Variants in ABCC1 observed in about 807,000 individuals in gnomAD.
ABCC1 encodes the protein multidrug resistance-associated protein 1.
Under a neutral mutation model 172.9 loss-of-function variants are expected in ABCC1, and 83 were observed. The ratio of observed to expected loss-of-function variants is 0.48; its 90% CI spans 0.40 to 0.58. The LOEUF (loss-of-function observed/expected upper bound fraction) is 0.58. ABCC1 is among the 20% of genes least tolerant of loss of function. ABCC1 has a pLI of 0.00. For synonymous variants in ABCC1, 937 were observed against 825.2 expected, an observed-to-expected ratio of 1.14 and a Z score of -2.32; for missense variants, 1,817 against 2,002.7, an observed-to-expected ratio of 0.91 and a Z score of 1.77.
intron 6 of ABCC1, among the ~76,000 whole-genome samples, chr16:16,035,249 A>G (rs1486925844): frequency 6.6e-6 from 1 of 152,180 alleles, no homozygotes; most frequent in South Asian, 2.1e-4. Flanking sequence ...TAACAATACA[A>G]AAATTAGCCG....
intron 23 of ABCC1, among the ~76,000 whole-genome samples, chr16:16,119,494 C>T (rs2045056521): frequency 6.6e-6 from 1 of 151,898 alleles, no homozygotes; most frequent in Admixed American, 6.6e-5. Context: ...AGTTTGAGAC[C>T]AGCCTGGCCA....
chr16:16,109,088 A>G (rs2052274379), intron 21 of ABCC1, among the ~76,000 whole-genome samples: 3 of 152,210 alleles, frequency 2.0e-5, no homozygotes, highest in African/African-American at 4.8e-5. Flanking sequence ...TGGGGACTTG[A>G]AAACTCAAAA....
chr16:16,078,680 GTTTA>G (rs953319401), intron 15 of ABCC1, among the ~76,000 whole-genome samples: 6 of 151,966 alleles, frequency 3.9e-5, no homozygotes, highest in African/African-American at 4.8e-5. Flanking sequence ...GAGTTTTTTG[GTTTA>G]TTTATTTTCT....
At chr16:16,109,000 A>G (rs901374728) in intron 21 of ABCC1, among the ~76,000 whole-genome samples, 1 of 152,124 alleles carries the variant, frequency 6.6e-6, no homozygotes, top group Admixed American at 6.6e-5. Context: ...ACTTGGCCGC[A>G]TGACAAAGCC....
chr16:16,061,772 C>CTTTTTTTTTTTTT (rs201926082), intron 12 of ABCC1, among the ~76,000 whole-genome samples: 2 of 116,226 alleles, frequency 1.7e-5, no homozygotes, highest in African/African-American at 3.7e-5. Flanking sequence ...TTCTTTTTTT[C>CTTTTTTTTTTTTT]TTTTTTTTTT....
Position 16,114,871 on chromosome 16 carries a change from G to A in ABCC1, c.3185G>A (p.Ser1062Asn), listed in dbSNP as rs1211525238. Residue 1062 changes from serine (S) to asparagine (N), a missense_variant, in exon 23 of 31, where the codon AGC (serine) becomes AAC (asparagine). By Grantham distance (46) the Ser-to-Asn change is conservative. This residue lies in a region of ABCC1 where 1,412 missense variants were observed against 1,600.3 expected (regional missense o/e 0.88). Coordinates refer to ENST00000399410, the MANE Select transcript of ABCC1 (RefSeq NM_004996.4). ...CACAGCATCCTGCGGTCACCCATGA[G>A]CTTCTTTGAGCGGACCCCCAGTGGG... ...LLHSILRSPMSFFERTPSGNL... is the reference protein window; with the variant it reads ...LLHSILRSPMNFFERTPSGNL... 1.2e-6 allele frequency: 2 copies of A among 1,613,792 alleles called. No homozygotes were observed. The highest frequency in any genetic ancestry group is 1.7e-6 in the Non-Finnish European group (2 of 1,179,926).
At chr16:16,035,134 G>A (rs1279713587) in intron 6 of ABCC1, among the ~76,000 whole-genome samples, 1 of 152,128 alleles carries the variant, frequency 6.6e-6, no homozygotes, top group African/African-American at 2.4e-5. Flanking sequence ...GGGCACGGTG[G>A]CTCATGCCTG....
At chr16:15,961,903 T>G (rs893335247) in intron 1 of ABCC1, among the ~76,000 whole-genome samples, 1 of 152,160 alleles carries the variant, frequency 6.6e-6, no homozygotes, top group African/African-American at 2.4e-5. Context: ...TGATAAGCAG[T>G]GCTGCACTGA....
At chr16:15,966,877 A>G (rs139927709) in intron 1 of ABCC1, among the ~76,000 whole-genome samples, 179 of 152,120 alleles carry the variant, frequency 1.2e-3, no homozygotes, top group African/African-American at 4.1e-3. Flanking sequence ...GTGCAGTGGC[A>G]TGAACATAGC....
In ABCC1 at chr16:15,985,171, A is replaced by C. The variant is rs137859760; in HGVS notation, c.49-22645A>C. Among the ~76,000 whole-genome samples, 694 of 152,284 alleles carry C rather than the reference A, an allele frequency of 4.6e-3. 6 individuals are homozygous for C. The highest frequency in any genetic ancestry group is 0.015 in the African/African-American group (630 of 41,560). On this transcript the variant is annotated intron_variant, in intron 1 of 30. Transcript: ENST00000399410. ...AAAAAATAAATTCCTATATTCCATCATCCCCAGCTTCTGCCATTCTAAAGC... is the reference window on the plus strand; with the variant it reads ...AAAAAATAAATTCCTATATTCCATCCTCCCCAGCTTCTGCCATTCTAAAGC...
At chr16:16,047,688 A>G (rs1196767276) in intron 9 of ABCC1, among the ~76,000 whole-genome samples, 1 of 152,014 alleles carries the variant, frequency 6.6e-6, no homozygotes, top group African/African-American at 2.4e-5. Context: ...AAGAATGCCA[A>G]GGATTAGAGA....
chr16:16,044,718 C>T (rs1190202056), intron 8 of ABCC1, 38 bp downstream of exon 8: 2 of 1,576,288 alleles, frequency 1.3e-6, no homozygotes, highest in East Asian at 2.2e-5. Flanking sequence ...TCCATTTTCC[C>T]TCCTTGGCTT....
chr16:16,034,023 CTTTTTTTTTTT>C (rs10580146), intron 6 of ABCC1, among the ~76,000 whole-genome samples: 2 of 86,830 alleles, frequency 2.3e-5, no homozygotes, highest in African/African-American at 8.7e-5. Context: ...TAAGCATCAT[CTTTTTTTTTTT>C]TTTTTTTTTT....
rs2050117614 is a variant in ABCC1 at position 16,066,473 on chromosome 16, G to A, written c.1678-1683G>A. Among the ~76,000 whole-genome samples the A allele has an allele frequency of 1.3e-5, 2 of 151,596 alleles. 1 individual carries two copies. The highest frequency in any genetic ancestry group is 4.2e-4 in the South Asian group (2 of 4,754). ...TGGGATTTCAGGTGTGAGCCACCCCGCCTGGCCATCTGACTGGTTTCTTAG... is the reference window on the plus strand; with the variant it reads ...TGGGATTTCAGGTGTGAGCCACCCCACCTGGCCATCTGACTGGTTTCTTAG... On this transcript the variant is annotated intron_variant, in intron 12 of 30. Transcript: ENST00000399410.
chr16:16,079,507 G>T (rs749708264), intron 16 of ABCC1, 29 bp downstream of exon 16: 3 of 1,593,056 alleles, frequency 1.9e-6, no homozygotes, highest in Non-Finnish European at 2.6e-6. Context: ...GGGAGGGGCA[G>T]TGGGGAAGCT....
intron 1 of ABCC1, among the ~76,000 whole-genome samples, chr16:15,998,282 G>A (rs142508313): frequency 1.3e-5 from 2 of 151,992 alleles, no homozygotes; most frequent in African/African-American, 4.8e-5. Context: ...GCACTACCAC[G>A]CCTGGATAAT....
chr16:16,071,193 T>C (rs1297373621), intron 13 of ABCC1, among the ~76,000 whole-genome samples: 3 of 152,112 alleles, frequency 2.0e-5, no homozygotes, highest in Admixed American at 2.0e-4. Context: ...CAAGTGATTC[T>C]TCTGCCTCAG....
chr16:16,097,397 G>A (rs906690399), intron 19 of ABCC1, among the ~76,000 whole-genome samples: 1 of 152,204 alleles, frequency 6.6e-6, no homozygotes, highest in Non-Finnish European at 1.5e-5. Flanking sequence ...ACAGGCATGA[G>A]CCATCGTGCC....
chr16:16,113,319 G>A (rs1403781805), intron 22 of ABCC1, among the ~76,000 whole-genome samples: 1 of 152,138 alleles, frequency 6.6e-6, no homozygotes, highest in African/African-American at 2.4e-5. Flanking sequence ...TGTCTGGTGC[G>A]GTAGTCACAA....
Sources: allele counts gnomAD v4.1 joint callset (sites outside exome capture counted in the v4.1 genomes callset), GRCh38; gene constraint gnomAD v4.1.1; regional missense constraint gnomAD v4.1.1; transcripts MANE v1.5; gene names NCBI Gene and HGNC (gene_info 2026-07-23, HGNC 2026-07-21).